MOV10L1: variants seen among roughly 807,000 people sequenced by gnomAD.
The protein encoded by MOV10L1 is Mov10 like RNA helicase 1.
Under a neutral mutation model 143.8 loss-of-function variants are expected in MOV10L1, and 110 were observed. The observed-to-expected ratio is 0.76, with a 90% CI of 0.66 to 0.90. MOV10L1 has a LOEUF of 0.90. MOV10L1 is among the 40% of genes least tolerant of loss of function. The probability of loss-of-function intolerance (pLI) is 0.00; values close to 1 mark genes in which losing one functional copy is unlikely to be tolerated. For synonymous variants in MOV10L1, 593 were observed against 581.1 expected (o/e 1.02, Z -0.29); for missense variants, 1,406 against 1,526.8 (o/e 0.92, Z 1.32).
chr22:50,096,698 A>G (rs1235535291), intron 2 of MOV10L1, among the ~76,000 whole-genome samples: 2 of 151,942 alleles, frequency 1.3e-5, no homozygotes, highest in East Asian at 3.8e-4. Flanking sequence ...GTGAGGTAGT[A>G]TCTCACTGTG....
intron 22 of MOV10L1, among the ~76,000 whole-genome samples, chr22:50,155,094 T>C (rs910007655): frequency 6.6e-6 from 1 of 152,188 alleles, no homozygotes; most frequent in Non-Finnish European, 1.5e-5. Flanking sequence ...CATTGAATTG[T>C]TTCTCAGTTT....
At chr22:50,101,215 G>GTGTTTT (rs774614221) in intron 3 of MOV10L1, among the ~76,000 whole-genome samples, 1 of 152,024 alleles carries the variant, frequency 6.6e-6, no homozygotes, top group South Asian at 2.1e-4. Flanking sequence ...ATGTGTATGT[G>GTGTTTT]TGTTTTTGTT....
rs774769069 is a variant in MOV10L1, at chr22:50,108,203, C to G, written c.510C>G (p.Ser170Arg). The stretch of plus-strand genomic sequence containing the variant: ...GGATCCGGCCTGGCACGTGGAGCAG[C>G]GAAGCCACCTCAGTGAAGCCACTGA... ...EYRIRPGTWSSEATSVKPLRY... is the reference protein window; with the variant it reads ...EYRIRPGTWSREATSVKPLRY... Residue 170 changes from serine (S) to arginine (R), a missense_variant, in exon 4 of 27, where the codon AGC becomes AGG. Ser to Arg is a moderately radical substitution (Grantham distance 110). Coordinates refer to ENST00000262794, the MANE Select transcript of MOV10L1 (RefSeq NM_018995.3). 1.7e-4 allele frequency: 271 copies of G among 1,613,922 alleles called. No homozygotes were observed. Among genetic ancestry groups the G allele is most frequent in the Non-Finnish European group, 2.2e-4 (261 of 1,180,012 alleles).
intron 2 of MOV10L1, 43 bp downstream of exon 2, chr22:50,092,228 G>C (rs147050565): frequency 0.012 from 18,791 of 1,559,418 alleles, 351 homozygotes; most frequent in East Asian, 0.064. Flanking sequence ...CTTCGCCACG[G>C]GACTTTGTGT....
intron 2 of MOV10L1, chr22:50,096,400 C>T (rs998610833): frequency 6.6e-6 from 1 of 152,184 alleles, no homozygotes; most frequent in Non-Finnish European, 1.5e-5. Flanking sequence ...TGTTGATGGA[C>T]ACTTGGGTTG....
Position 50,147,076 on chromosome 22 carries a change from C to T in MOV10L1, c.2627+1266C>T, listed in dbSNP as rs143850585. On this transcript the variant is annotated intron_variant, in intron 19 of 26. Transcript: ENST00000262794. ...GGTCAAGAGCCGAAGAGCCAGTCCT[C>T]ACTGGGGTGCAGAGGGCTCTTTGGG... is the stretch of plus-strand genomic sequence containing the variant. 1.3e-3 allele frequency: 1,972 copies of T among 1,558,662 alleles called. 10 individuals are homozygous for T. The highest frequency in any genetic ancestry group is 7.0e-3 in the South Asian group (588 of 84,516).
chr22:50,114,569 A>T lies in MOV10L1; in HGVS notation c.1073A>T (p.Lys358Ile), dbSNP rs754447819. The T allele has an allele frequency of 3.7e-6, 6 of 1,614,212 alleles. 1 individual carries two copies. The South Asian group carries it at 6.6e-5, about 18-fold the overall frequency. Residue 358 changes from lysine to isoleucine, a missense_variant, in exon 7 of 27, where the codon AAA becomes ATA. Coordinates refer to ENST00000262794, the MANE Select transcript of MOV10L1 (RefSeq NM_018995.3). ...INSLNSHTKN[K>I]TSQMSESSLV... ...TCATTAAATAGCCACACAAAAAACA[A>T]AACCTCTCAGATGTCGGAGAGCAGT...
At chr22:50,111,255 G>A (rs2062014610) in intron 5 of MOV10L1, among the ~76,000 whole-genome samples, 1 of 152,174 alleles carries the variant, frequency 6.6e-6, no homozygotes, top group Admixed American at 6.5e-5. Flanking sequence ...GAGAAAGAGG[G>A]TGCGGTCACA....
At position 50,128,464 on chromosome 22, in the gene MOV10L1, G is replaced by T; in HGVS notation, c.1867G>T (p.Ala623Ser). 1 of 1,551,900 alleles carries T rather than the reference G, an allele frequency of 6.4e-7. No individual in the cohort carries two copies. Among genetic ancestry groups the T allele is most frequent in the Non-Finnish European group, 8.8e-7 (1 of 1,129,946 alleles). ...TAAAATTAATCCAGAATTTGAACAA[G>T]CCTATAACTTTGAACCTATGGATGT... ...TLKINPEFEQ[A>S]YNFEPMDVEF... is the part of the protein sequence containing the mutation. Residue 623 changes from alanine (A) to serine (S), a missense_variant, in exon 13 of 27, where the codon GCC becomes TCC. Physicochemically the swap from Ala to Ser is moderately conservative, Grantham distance 99 (BLOSUM62 1). Around this residue, in one of 3 missense-constraint regions of MOV10L1, gnomAD observed 1,233 missense variants for 1,351.4 expected, o/e 0.91. Transcript: ENST00000262794.
intron 2 of MOV10L1, 22 bp downstream of exon 2, chr22:50,092,207 G>T: frequency 6.2e-7 from 1 of 1,602,454 alleles, no homozygotes; most frequent in South Asian, 1.1e-5. Context: ...GTTCATTTGG[G>T]AACAGTTTTT....
chr22:50,131,212 A>G (rs2062670462), intron 13 of MOV10L1, among the ~76,000 whole-genome samples: 2 of 152,086 alleles, frequency 1.3e-5, no homozygotes, highest in South Asian at 4.1e-4. Flanking sequence ...CCGGCCACTG[A>G]ACATCTTTTT....
intron 15 of MOV10L1, among the ~76,000 whole-genome samples, chr22:50,139,182 C>T (rs1206746323): frequency 2.0e-5 from 3 of 152,020 alleles, no homozygotes; most frequent in Non-Finnish European, 4.4e-5. Flanking sequence ...ATGCAGGGCA[C>T]GCGCAAAACA....
At chr22:50,151,429 G>A (rs1187414274) in intron 21 of MOV10L1, among the ~76,000 whole-genome samples, 4 of 152,242 alleles carry the variant, frequency 2.6e-5, no homozygotes, top group African/African-American at 4.8e-5. Flanking sequence ...CCCATTGCCA[G>A]TATTAACATC....
chr22:50,152,995 C>T lies in MOV10L1; in HGVS notation c.2893-50C>T. On this transcript the variant is annotated intron_variant, in intron 21 of 26. Coordinates refer to ENST00000262794, the MANE Select transcript of MOV10L1 (RefSeq NM_018995.3). The surrounding 1 kb of genome is among the most constrained non-coding windows in gnomAD (Gnocchi z 4.4). ...AGAGCCGCTTTTCGTTCGACAGAAA[C>T]TGTGCCGGGTACCACCTTCCCCTTG... The T allele has an allele frequency of 6.6e-7, 1 of 1,504,898 alleles. No individual in the cohort carries two copies. Among genetic ancestry groups the T allele is most frequent in the South Asian group, 1.2e-5 (1 of 81,870 alleles). The allele number at this position is 1,504,898 out of a possible 1,614,324, so 93.2% of individuals were successfully genotyped here.
chr22:50,160,347 C>T (rs1445616698), intron 24 of MOV10L1, among the ~76,000 whole-genome samples: 24 of 151,386 alleles, frequency 1.6e-4, no homozygotes, highest in Non-Finnish European at 2.9e-4. Context: ...CCCGGGTTCA[C>T]GCCATTCTCC....
At chr22:50,153,928 C>T (rs2063360270) in intron 22 of MOV10L1, among the ~76,000 whole-genome samples, 1 of 152,226 alleles carries the variant, frequency 6.6e-6, no homozygotes, top group African/African-American at 2.4e-5. Context: ...CCTTCCATGC[C>T]ACGGGCCCCG....
chr22:50,140,085 G>A (rs963681762), intron 15 of MOV10L1, among the ~76,000 whole-genome samples: 3 of 152,208 alleles, frequency 2.0e-5, no homozygotes, highest in Admixed American at 6.5e-5. Flanking sequence ...CCCAGTGTCC[G>A]TGAGCAGGTG....
chr22:50,106,325 CTT>C (rs1165257394), intron 3 of MOV10L1, among the ~76,000 whole-genome samples: 8 of 94,552 alleles, frequency 8.5e-5, no homozygotes, highest in South Asian at 4.5e-4. Context: ...CCAACTAATT[CTT>C]TTTTTTTTTT....
At chr22:50,155,917 G>C (rs1256256077) in intron 22 of MOV10L1, among the ~76,000 whole-genome samples, 1 of 152,112 alleles carries the variant, frequency 6.6e-6, no homozygotes, top group African/African-American at 2.4e-5. Context: ...CGGTCATGGT[G>C]GTGCACACTT....
Sources: allele counts gnomAD v4.1 joint callset (sites outside exome capture counted in the v4.1 genomes callset), GRCh38; gene constraint gnomAD v4.1.1; regional missense constraint gnomAD v4.1.1; non-coding constraint Gnocchi (gnomAD v3.1); transcripts MANE v1.5; gene names NCBI Gene and HGNC (gene_info 2026-07-23, HGNC 2026-07-21).